NYAP2: variants seen among roughly 807,000 people sequenced by gnomAD.
NYAP2 encodes the protein neuronal tyrosine-phosphorylated phosphoinositide-3-kinase adapter 2.
Under a neutral mutation model 50.4 loss-of-function variants are expected in NYAP2, and 23 were observed. The ratio of observed to expected loss-of-function variants is 0.46; its 90% confidence interval spans 0.33 to 0.65. The LOEUF (loss-of-function observed/expected upper bound fraction) is 0.65, where lower values mean the gene tolerates loss of function less well. Ranked by LOEUF, NYAP2 falls within the 30% of genes least tolerant of loss-of-function variation. The pLI, the probability that NYAP2 is intolerant of heterozygous loss-of-function variation, is 0.02. For missense variants in NYAP2, 885 were observed against 861.0 expected, an observed-to-expected ratio of 1.03 and a Z score of -0.35; for synonymous variants, 394 against 365.2, an observed-to-expected ratio of 1.08 and a Z score of -0.90.
rs570567288 is a variant in NYAP2, at chr2:225,564,273, C to T, written c.524-17668C>T. Among the ~76,000 whole-genome samples, 3 of 150,024 alleles carry T rather than the reference C, an allele frequency of 2.0e-5. No homozygotes were observed. The South Asian group carries it at 6.3e-4, about 31-fold the overall frequency. ...ATTACTGTGGATTAAATAGAACCTC[C>T]AAATAATGTGAAAAAAAAGAGCAAA... On this transcript the variant is annotated intron_variant, in intron 4 of 6. Coordinates refer to ENST00000636099, the Ensembl canonical transcript of NYAP2.
At chr2:225,598,569 A>G (rs1692645765) in intron 5 of NYAP2, among the ~76,000 whole-genome samples, 1 of 152,244 alleles carries the variant, frequency 6.6e-6, no homozygotes, top group African/African-American at 2.4e-5. Flanking sequence ...TAGCATTTGA[A>G]AAATGGAATG....
intron 3 of NYAP2, among the ~76,000 whole-genome samples, chr2:225,434,029 C>T (rs1689328316): frequency 6.6e-6 from 1 of 152,056 alleles, no homozygotes; most frequent in Admixed American, 6.5e-5. Flanking sequence ...ATCACAACTG[C>T]CCATGAGTTT....
chr2:225,408,188 G>A (rs1418067294), intron 2 of NYAP2, among the ~76,000 whole-genome samples: 2 of 151,972 alleles, frequency 1.3e-5, no homozygotes, highest in African/African-American at 4.8e-5. Flanking sequence ...AGTTGTCAAT[G>A]CTTGAATTAC....
intron 4 of NYAP2, among the ~76,000 whole-genome samples, chr2:225,563,670 G>A (rs1472441465): frequency 6.6e-6 from 1 of 152,058 alleles, no homozygotes; most frequent in Admixed American, 6.6e-5. Context: ...ATATAGGAGG[G>A]AGAGAGAAGG....
At chr2:225,443,900 CT>C (rs1689511488) in intron 3 of NYAP2, among the ~76,000 whole-genome samples, 2 of 152,188 alleles carry the variant, frequency 1.3e-5, no homozygotes, top group Non-Finnish European at 2.9e-5. Context: ...AGTCGACATA[CT>C]TTTCCAAAGA....
chr2:225,672,417 A>G, the NYAP2 span, among the ~76,000 whole-genome samples: 1 of 152,154 alleles, frequency 6.6e-6, no homozygotes, highest in Non-Finnish European at 1.5e-5. Context: ...GAGCTAAAGC[A>G]TTGCTCTGAA....
At chr2:225,669,961 G>C in the NYAP2 span, among the ~76,000 whole-genome samples, 1 of 152,098 alleles carries the variant, frequency 6.6e-6, no homozygotes, top group Middle Eastern at 3.2e-3. Flanking sequence ...CACCCAGGTT[G>C]CAGCGATTCA....
intron 4 of NYAP2, among the ~76,000 whole-genome samples, chr2:225,544,422 GTA>G (rs1490962640): frequency 6.6e-6 from 1 of 151,580 alleles, no homozygotes; most frequent in Non-Finnish European, 1.5e-5. Context: ...TTGTGTGTGT[GTA>G]TTTGTTGTAT....
At chr2:225,613,527 A>C (rs1692935437) in intron 5 of NYAP2, among the ~76,000 whole-genome samples, 1 of 152,100 alleles carries the variant, frequency 6.6e-6, no homozygotes, top group Non-Finnish European at 1.5e-5. Flanking sequence ...CTTCCATCCA[A>C]TCAAATTGAC....
intron 5 of NYAP2, among the ~76,000 whole-genome samples, chr2:225,604,979 A>T (rs1384526414): frequency 2.0e-5 from 3 of 152,154 alleles, no homozygotes; most frequent in Admixed American, 2.0e-4. Flanking sequence ...GATTCCAGCA[A>T]TACCAAGTTC....
At chr2:225,546,264 T>C (rs938334012) in intron 4 of NYAP2, among the ~76,000 whole-genome samples, 1 of 152,184 alleles carries the variant, frequency 6.6e-6, no homozygotes, top group African/African-American at 2.4e-5. Context: ...CGTCCTTCCC[T>C]TCAGGGCGAC....
intron 3 of NYAP2, among the ~76,000 whole-genome samples, chr2:225,502,074 A>AT (rs1690617762): frequency 6.6e-6 from 1 of 152,236 alleles, no homozygotes; most frequent in African/African-American, 2.4e-5. Context: ...AAAAGTTTGG[A>AT]TTTTTAGTCC....
intron 3 of NYAP2, among the ~76,000 whole-genome samples, chr2:225,487,647 A>G (rs914217233): frequency 6.6e-6 from 1 of 152,222 alleles, no homozygotes; most frequent in Non-Finnish European, 1.5e-5. Flanking sequence ...GGCATGAGCC[A>G]CCACGCCTGG....
At chr2:225,464,933 AT>A (rs1012189847) in intron 3 of NYAP2, among the ~76,000 whole-genome samples, 1 of 152,176 alleles carries the variant, frequency 6.6e-6, no homozygotes, top group Non-Finnish European at 1.5e-5. Context: ...TTGGGATAAT[AT>A]TTGTGTAACA....
downstream of NYAP2, among the ~76,000 whole-genome samples, chr2:225,655,885 T>TACACACACACACACACAC (rs372646871): frequency 1.3e-3 from 153 of 121,206 alleles, 1 homozygote; most frequent in African/African-American, 2.2e-3. Flanking sequence ...CAACCTCCAC[T>TACACACACACACACACAC]ACACACACAC....
intron 3 of NYAP2, among the ~76,000 whole-genome samples, chr2:225,500,737 T>C (rs978908765): frequency 6.6e-6 from 1 of 152,140 alleles, no homozygotes; most frequent in Non-Finnish European, 1.5e-5. Flanking sequence ...TCTTCTGATT[T>C]TGTTTGACAA....
At chr2:225,444,973 C>G (rs1479605186) in intron 3 of NYAP2, among the ~76,000 whole-genome samples, 1 of 152,140 alleles carries the variant, frequency 6.6e-6, no homozygotes, top group Non-Finnish European at 1.5e-5. Context: ...AATGAAAAAA[C>G]TATTCCGTAT....
At chr2:225,602,049 C>T (rs552730951) in intron 5 of NYAP2, among the ~76,000 whole-genome samples, 23 of 152,142 alleles carry the variant, frequency 1.5e-4, no homozygotes, top group African/African-American at 4.8e-4. Flanking sequence ...GAATTTGGAG[C>T]GAAAGTTTAT....
Position 225,513,460 on chromosome 2 carries a change from A to T in NYAP2, c.311A>T (p.Asp104Val), listed in dbSNP as rs755957714. 50 of 1,613,856 alleles carry T rather than the reference A, an allele frequency of 3.1e-5. No homozygotes were observed. The highest frequency in any genetic ancestry group is 6.7e-5 in the African/African-American group (5 of 74,920). The stretch of plus-strand genomic sequence containing the variant: ...TTCATGACAATGCCTGCTCCTCAGG[A>T]CAGACTTCCCCATCCTTGCTCCAGT... Residue 104 changes from aspartate (D) to valine (V), a missense_variant, in exon 4 of 7, where the codon GAC becomes GTC. Transcript: ENST00000636099.
Sources: allele counts gnomAD v4.1 joint callset (sites outside exome capture counted in the v4.1 genomes callset), GRCh38; gene constraint gnomAD v4.1.1; transcripts MANE v1.5; gene names NCBI Gene and HGNC (gene_info 2026-07-23, HGNC 2026-07-21).